NTRK3: variants seen among roughly 807,000 people sequenced by gnomAD.
The protein encoded by NTRK3 is neurotrophic receptor tyrosine kinase 3, also known as NT-3 growth factor receptor.
A neutral mutation model predicts 91.7 loss-of-function variants in NTRK3; 24 were observed. That is an observed-to-expected ratio of 0.26 (90% confidence interval 0.19 to 0.37). The LOEUF is 0.37. NTRK3 is among the 10% of genes least tolerant of loss of function. NTRK3 has a pLI of 1.00. For missense variants in NTRK3, 880 were observed against 1,068.9 expected (o/e 0.82, Z 2.46); for synonymous variants, 483 against 404.0 (o/e 1.20, Z -2.34).
At chr15:88,236,537 A>T (rs1438200308) in intron 3 of NTRK3, among the ~76,000 whole-genome samples, 1 of 149,848 alleles carries the variant, frequency 6.7e-6, no homozygotes, top group African/African-American at 2.4e-5. Context: ...AAAAAAAAAA[A>T]AATTGTAAAA....
At chr15:87,993,626 C>T (rs1259937454) in intron 14 of NTRK3, among the ~76,000 whole-genome samples, 1 of 152,152 alleles carries the variant, frequency 6.6e-6, no homozygotes, top group Non-Finnish European at 1.5e-5. Context: ...CCCCCAAAGG[C>T]CTAGAAAAAG....
chr15:88,155,928 T>C (rs1451876914), intron 5 of NTRK3, among the ~76,000 whole-genome samples: 1 of 152,188 alleles, frequency 6.6e-6, no homozygotes, highest in East Asian at 1.9e-4. Flanking sequence ...CATCTCAATT[T>C]GAATTGGCCA....
intron 13 of NTRK3, among the ~76,000 whole-genome samples, chr15:88,109,221 A>G (rs1241319933): frequency 6.6e-6 from 1 of 152,206 alleles, no homozygotes; most frequent in Non-Finnish European, 1.5e-5. Context: ...GGGTCATTAA[A>G]TACTGCAGTG....
At position 88,235,799 on chromosome 15, in the gene NTRK3, C is replaced by G. The variant is rs2141814473; in HGVS notation, c.248+20107G>C. Among the ~76,000 whole-genome samples, 1 of 152,360 alleles carries G rather than the reference C, an allele frequency of 6.6e-6. No individual in the cohort carries two copies. The highest frequency in any genetic ancestry group is 2.4e-5 in the African/African-American group (1 of 41,588). On this transcript the variant is annotated intron_variant, in intron 3 of 18. Transcript: ENST00000394480. This position sits in a 1 kb window ranked among gnomAD's most constrained non-coding sequence, Gnocchi z 5.2. ...GCAAAAAGCAGCAAGAAGCTGTGCACCACAACAGGAACCCCCCTGGGGCTT... is the reference window on the plus strand; with the variant it reads ...GCAAAAAGCAGCAAGAAGCTGTGCAGCACAACAGGAACCCCCCTGGGGCTT...
At chr15:88,033,176 T>TC (rs1491166187) in intron 13 of NTRK3, 131 bp from the exon 14 acceptor site, 4 of 196,078 alleles carry the variant, frequency 2.0e-5, no homozygotes, top group Admixed American at 6.7e-5. Flanking sequence ...GGGGGGTGTG[T>TC]TATATATATA....
chr15:88,040,597 C>T (rs2079515324), intron 13 of NTRK3, among the ~76,000 whole-genome samples: 2 of 152,228 alleles, frequency 1.3e-5, no homozygotes, highest in Non-Finnish European at 2.9e-5. Flanking sequence ...AAACTCCTTT[C>T]TCTTCCAGCA....
At chr15:88,133,105 A>T (rs572121754) in intron 10 of NTRK3, among the ~76,000 whole-genome samples, 1 of 152,270 alleles carries the variant, frequency 6.6e-6, no homozygotes, top group South Asian at 2.1e-4. Flanking sequence ...TTAAGTTTTA[A>T]CACATTCTCA....
intron 14 of NTRK3, chr15:87,978,848 C>G (rs1370180481): frequency 3.9e-6 from 1 of 254,570 alleles, no homozygotes; most frequent in Non-Finnish European, 7.6e-6. Context: ...TAGGTGCTCT[C>G]TGTGACTCTT....
chr15:88,078,366 T>C (rs1567349958), intron 13 of NTRK3, among the ~76,000 whole-genome samples: 1 of 152,130 alleles, frequency 6.6e-6, no homozygotes, highest in Non-Finnish European at 1.5e-5. Flanking sequence ...TAAAGAAAAG[T>C]GGGGTCAGGC....
chr15:88,084,923 G>A (rs1008481297), intron 13 of NTRK3, among the ~76,000 whole-genome samples: 7 of 152,158 alleles, frequency 4.6e-5, no homozygotes, highest in South Asian at 4.1e-4. Flanking sequence ...ACATGCGCCC[G>A]CATGGGTGTT....
chr15:88,154,545 C>T (rs2043705705), intron 5 of NTRK3, among the ~76,000 whole-genome samples: 1 of 152,172 alleles, frequency 6.6e-6, no homozygotes, highest in African/African-American at 2.4e-5. Flanking sequence ...GCCATCTGAG[C>T]CATTTTTATT....
intron 13 of NTRK3, among the ~76,000 whole-genome samples, chr15:88,105,118 A>C (rs2050564777): frequency 2.0e-5 from 3 of 152,196 alleles, no homozygotes; most frequent in Admixed American, 2.0e-4. Context: ...TATCATCATA[A>C]ATAATTCAAA....
chr15:88,256,462 C>G (rs747378024), exon 2 of NTRK3: 4 of 518,346 alleles, frequency 7.7e-6, no homozygotes, highest in Non-Finnish European at 1.3e-5. Context: ...GCTCTGGAAG[C>G]GAGGCGCGCT....
chr15:87,862,919 CA>C (rs1399698616), exon 19 of NTRK3: 3 of 230,832 alleles, frequency 1.3e-5, no homozygotes, highest in Non-Finnish European at 2.6e-5. Context: ...AGCTTCTGCT[CA>C]ACTGCTGTGA....
At chr15:87,916,545 C>T (rs1486125876) in intron 17 of NTRK3, 15 of 702,326 alleles carry the variant, frequency 2.1e-5, no homozygotes, top group Non-Finnish European at 3.9e-5. Context: ...AGTATCAGTC[C>T]TCATGCCTGC....
At chr15:88,007,073 G>C (rs575708564) in intron 14 of NTRK3, among the ~76,000 whole-genome samples, 21 of 152,280 alleles carry the variant, frequency 1.4e-4, no homozygotes, top group African/African-American at 5.1e-4. Context: ...AAAACCTAGC[G>C]TGAGGAGAGA....
chr15:88,201,084 C>T (rs117420450), intron 3 of NTRK3, among the ~76,000 whole-genome samples: 2,775 of 152,284 alleles, frequency 0.018, 36 homozygotes, highest in Non-Finnish European at 0.028. Context: ...TATTAATTTT[C>T]GGTTAACAAC....
chr15:88,088,844 C>T (rs1031851910), intron 13 of NTRK3, among the ~76,000 whole-genome samples: 2 of 152,144 alleles, frequency 1.3e-5, no homozygotes, highest in Non-Finnish European at 2.9e-5. Flanking sequence ...CTGGCTTCCC[C>T]GTTCTCCAGC....
chr15:87,880,356 C>T (rs1366437707), exon 18 of NTRK3: 2 of 1,614,050 alleles, frequency 1.2e-6, no homozygotes, highest in Non-Finnish European at 1.7e-6. Flanking sequence ...ACATCACTCT[C>T]TGTAGTGAAC....
Sources: allele counts gnomAD v4.1 joint callset (sites outside exome capture counted in the v4.1 genomes callset), GRCh38; gene constraint gnomAD v4.1.1; non-coding constraint Gnocchi (gnomAD v3.1); transcripts MANE v1.5; gene names NCBI Gene and HGNC (gene_info 2026-07-23, HGNC 2026-07-21).